SMIM12: variants seen among roughly 807,000 people sequenced by gnomAD.
SMIM12 encodes UPF0767 protein C1orf212.
A neutral mutation model predicts 6.3 loss-of-function variants in SMIM12; 5 were observed. That is an observed-to-expected ratio of 0.80 (90% CI 0.42 to 1.68). The LOEUF (loss-of-function observed/expected upper bound fraction) is 1.68, where lower values mean the gene tolerates loss of function less well. Ranked by LOEUF, SMIM12 falls within the 40% of genes most tolerant of loss-of-function variation. SMIM12 has a pLI of 0.02. For missense variants in SMIM12, 103 were observed against 121.4 expected (o/e 0.85, Z 0.71); for synonymous variants, 51 against 48.0 (o/e 1.06, Z -0.26).
rs776074932 is a variant in SMIM12 at position 34,855,356 on chromosome 1, C to T, written c.*343G>A. 4.2e-6 allele frequency: 6 copies of T among 1,439,526 alleles called. No individual in the cohort carries two copies. Among genetic ancestry groups the T allele is most frequent in the Middle Eastern group, 1.9e-4 (1 of 5,180 alleles). The allele number at this position is 1,439,526 out of a possible 1,614,324, so 89.2% of individuals were successfully genotyped here. A position where few individuals can be genotyped will look rare whatever the true frequency, so the allele number is the denominator to read the frequency against. On this transcript the variant is annotated 3_prime_UTR_variant, in exon 2 of 2. Transcript: ENST00000521580. Reference sequence around the variant, plus strand: ...CAGGTATCCCTCCTAAAGGCAACGCCCAAATCCCAGCCATTCCCACTAGAG... The same window carrying T: ...CAGGTATCCCTCCTAAAGGCAACGCTCAAATCCCAGCCATTCCCACTAGAG...
In SMIM12 at chr1:34,854,965, T is replaced by A. The variant is rs1638591468; in HGVS notation, c.*734A>T. Reference sequence around the variant, plus strand: ...CCTTGGCACCCTTTAATACCAATGTTATCCTGCTCTAAAATGCCTGTACTT... The same window carrying A: ...CCTTGGCACCCTTTAATACCAATGTAATCCTGCTCTAAAATGCCTGTACTT... On this transcript the variant is annotated 3_prime_UTR_variant, in exon 2 of 2. Transcript: ENST00000521580. The A allele has an allele frequency of 1.0e-6, 1 of 962,414 alleles. No individual in the cohort carries two copies. The highest frequency in any genetic ancestry group is 1.6e-5 in the South Asian group (1 of 62,034). The allele number at this position is 962,414 out of a possible 1,614,324, so 59.6% of individuals were successfully genotyped here.
intron 1 of SMIM12, chr1:34,858,535 A>G (rs533735445): frequency 6.6e-6 from 1 of 152,328 alleles, no homozygotes; most frequent in East Asian, 1.9e-4. Flanking sequence ...AAATTCAGAG[A>G]CATAGTAATA....
chr1:34,851,218 A>T lies in SMIM12; in HGVS notation c.*4481T>A, dbSNP rs1640922404. ...ACAATGTATATAAAGTTCTTAGCGT[A>T]CTATGCTAAGAACCTTACATAATTA... On this transcript the variant is annotated 3_prime_UTR_variant, in exon 2 of 2. Transcript: ENST00000521580. The T allele has an allele frequency of 6.6e-6, 1 of 152,174 alleles. No homozygotes were observed. The highest frequency in any genetic ancestry group is 2.4e-5 in the African/African-American group (1 of 41,438). The allele number at this position is 152,174 out of a possible 1,614,324, so 9.4% of individuals were successfully genotyped here.
intron 1 of SMIM12, among the ~76,000 whole-genome samples, chr1:34,857,019 G>A (rs1445259214): frequency 6.6e-6 from 1 of 151,896 alleles, no homozygotes; most frequent in Non-Finnish European, 1.5e-5. Context: ...ACTTGAACCT[G>A]GGAGGCGGAG....
In SMIM12 at chr1:34,855,433, TC is replaced by T; in HGVS notation, c.*265del. The T allele has an allele frequency of 1.3e-6, 2 of 1,560,466 alleles. No individual in the cohort carries two copies. Among genetic ancestry groups the T allele is most frequent in the Non-Finnish European group, 1.7e-6 (2 of 1,145,744 alleles). On this transcript the variant is annotated 3_prime_UTR_variant, in exon 2 of 2. Coordinates refer to ENST00000521580, the MANE Select transcript of SMIM12 (RefSeq NM_138428.6). ...ACAGCCAATGTTCATCTCATAACTC[TC>T]CTCCCAGCAGTGCACCAGTAAACTC...
rs1223059676 is a variant in SMIM12 at position 34,854,801 on chromosome 1, CTA to C, written c.*896_*897del. 4.1e-5 allele frequency: 7 copies of C among 170,302 alleles called. No individual in the cohort carries two copies. The South Asian group carries it at 8.5e-4, about 21-fold the overall frequency. 10.5% of individuals were successfully genotyped at this position (170,302 alleles called of 1,614,324 possible). ...TATATACTTTTATAGGGAAAGGCGT[CTA>C]TGTGTGTGTATGTGAGGTCTACCTC... On this transcript the variant is annotated 3_prime_UTR_variant, in exon 2 of 2. Coordinates refer to ENST00000521580, the MANE Select transcript of SMIM12 (RefSeq NM_138428.6).
Position 34,855,172 on chromosome 1 carries a change from C to A in SMIM12, c.*527G>T, listed in dbSNP as rs771151285. The A allele has an allele frequency of 7.3e-7, 1 of 1,367,178 alleles. No homozygotes were observed. Among genetic ancestry groups the A allele is most frequent in the South Asian group, 1.1e-5 (1 of 87,900 alleles). The allele number at this position is 1,367,178 out of a possible 1,614,324, so 84.7% of individuals were successfully genotyped here. A position where few individuals can be genotyped will look rare whatever the true frequency, so the allele number is the denominator to read the frequency against. On this transcript the variant is annotated 3_prime_UTR_variant, in exon 2 of 2. Transcript: ENST00000521580. Reference sequence around the variant, plus strand: ...CCTGCCCCAAAGTGAACAGTCTGGGCTTCCCAGAACAGAAAAGTGCTTTCC... The same window carrying A: ...CCTGCCCCAAAGTGAACAGTCTGGGATTCCCAGAACAGAAAAGTGCTTTCC...
In SMIM12 at chr1:34,855,658, G is replaced by T. The variant is rs1334672361; in HGVS notation, c.*41C>A. On this transcript the variant is annotated 3_prime_UTR_variant, in exon 2 of 2. Coordinates refer to ENST00000521580, the MANE Select transcript of SMIM12 (RefSeq NM_138428.6). ...CTCTGTCAACATGGTAGCAGGACAAGTCACCACCCACAGTAGGACCATAGG... is the reference window on the plus strand; with the variant it reads ...CTCTGTCAACATGGTAGCAGGACAATTCACCACCCACAGTAGGACCATAGG... 1.2e-6 allele frequency: 2 copies of T among 1,613,744 alleles called. No homozygotes were observed. Among genetic ancestry groups the T allele is most frequent in the South Asian group, 2.2e-5 (2 of 91,068 alleles).
rs1638540817 is a variant in SMIM12 at position 34,853,605 on chromosome 1, A to G, written c.*2094T>C. The G allele has an allele frequency of 6.6e-6, 1 of 152,262 alleles. No individual in the cohort carries two copies. The highest frequency in any genetic ancestry group is 1.5e-5 in the Non-Finnish European group (1 of 68,040). The allele number at this position is 152,262 out of a possible 1,614,324, so 9.4% of individuals were successfully genotyped here. A position where few individuals can be genotyped will look rare whatever the true frequency, so the allele number is the denominator to read the frequency against. ...AGTATCTAAACGAGTGACCAACCAG[A>G]AACAATTCAAATGTCCAGCAATATG... On this transcript the variant is annotated 3_prime_UTR_variant, in exon 2 of 2. Coordinates refer to ENST00000521580, the MANE Select transcript of SMIM12 (RefSeq NM_138428.6).
rs758041671 is a variant in SMIM12 at position 34,855,892 on chromosome 1, T to C, written c.86A>G (p.Tyr29Cys). The C allele has an allele frequency of 6.4e-6, 10 of 1,551,448 alleles. No individual in the cohort carries two copies. In the Admixed American group the frequency reaches 2.0e-4, roughly 30 times the overall value. The change falls in exon 2 of 2, where the codon TAC becomes TGC. Residue 29 changes from tyrosine (Y) to cysteine (C), a missense_variant. Tyr to Cys is a radical substitution (Grantham distance 194). Transcript: ENST00000521580. ...PVAFVVGAVGYHLEWFIRGKD... is the reference protein window; with the variant it reads ...PVAFVVGAVGCHLEWFIRGKD... ...TCCCCTGATGAACCATTCCAGGTGGTAACCCACAGCCCCGACCACGAAGGC... is the reference window on the plus strand; with the variant it reads ...TCCCCTGATGAACCATTCCAGGTGGCAACCCACAGCCCCGACCACGAAGGC...
chr1:34,855,586 G>A lies in SMIM12; in HGVS notation c.*113C>T. 6 of 1,613,314 alleles carry A rather than the reference G, an allele frequency of 3.7e-6. No individual in the cohort carries two copies. Among genetic ancestry groups the A allele is most frequent in the Non-Finnish European group, 5.1e-6 (6 of 1,179,940 alleles). On this transcript the variant is annotated 3_prime_UTR_variant, in exon 2 of 2. Coordinates refer to ENST00000521580, the MANE Select transcript of SMIM12 (RefSeq NM_138428.6). Reference sequence around the variant, plus strand: ...GTATTTGTGTGGCTGTGTGGTGTGGGAAGGGCCAGAATAAGCAACAAAGCC... The same window carrying A: ...GTATTTGTGTGGCTGTGTGGTGTGGAAAGGGCCAGAATAAGCAACAAAGCC...
In SMIM12 at chr1:34,852,488, A is replaced by G. The variant is rs1405265168; in HGVS notation, c.*3211T>C. On this transcript the variant is annotated 3_prime_UTR_variant, in exon 2 of 2. Transcript: ENST00000521580. Reference sequence around the variant, plus strand: ...CAAAAAAAAAAAAAAAAAAAAAACCATAATTATAGGTGTCATCAGAAGGAG... The same window carrying G: ...CAAAAAAAAAAAAAAAAAAAAAACCGTAATTATAGGTGTCATCAGAAGGAG... 7.5e-6 allele frequency among the ~76,000 whole-genome samples: 1 copy of G among 133,812 alleles called. No homozygotes were observed. Among genetic ancestry groups the G allele is most frequent in the Non-Finnish European group, 1.6e-5 (1 of 61,384 alleles). 87.8% of individuals were successfully genotyped at this position (133,812 alleles called of 152,430 possible). A position where few individuals can be genotyped will look rare whatever the true frequency, so the allele number is the denominator to read the frequency against.
At chr1:34,859,315 G>T (rs1638749082) in intron 1 of SMIM12, 1 of 152,286 alleles carries the variant, frequency 6.6e-6, no homozygotes, top group South Asian at 2.1e-4. Context: ...GGACACAGGA[G>T]GCCTGAGAAG....
Position 34,859,691 on chromosome 1 carries a change from A to G in SMIM12, c.-20T>C, listed in dbSNP as rs1638759926. ...CGCGCGCTCACCTGCGGCCCAGCCC[A>G]CACTCCCCAGTGCGGCCCCCGCTCT... On this transcript the variant is annotated 5_prime_UTR_variant, in exon 1 of 2. Coordinates refer to ENST00000521580, the MANE Select transcript of SMIM12 (RefSeq NM_138428.6). 6.6e-6 allele frequency: 1 copy of G among 152,360 alleles called. No individual in the cohort carries two copies. Among genetic ancestry groups the G allele is most frequent in the African/African-American group, 2.4e-5 (1 of 41,386 alleles). The allele number at this position is 152,360 out of a possible 1,614,324, so 9.4% of individuals were successfully genotyped here.
In SMIM12 at chr1:34,854,402, T is replaced by G. The variant is rs181937262; in HGVS notation, c.*1297A>C. 6.6e-6 allele frequency: 1 copy of G among 151,864 alleles called. No individual in the cohort carries two copies. The highest frequency in any genetic ancestry group is 1.9e-4 in the East Asian group (1 of 5,154). 9.4% of individuals were successfully genotyped at this position (151,864 alleles called of 1,614,324 possible). ...GCCTGGGCAACATAGTGAGACCTGG[T>G]TCTACAAAAAAATAAAAAAATTAGC... On this transcript the variant is annotated 3_prime_UTR_variant, in exon 2 of 2. Transcript: ENST00000521580.
intron 1 of SMIM12, chr1:34,858,077 T>G (rs1465285007): frequency 6.6e-6 from 1 of 151,468 alleles, no homozygotes; most frequent in East Asian, 1.9e-4. Context: ...CCCAGGGGGT[T>G]AAGGACCCCT....
rs745455058 is a variant in SMIM12, at chr1:34,855,738, C to T, written c.240G>A (p.Pro80=). Residue 80 remains proline (P), a synonymous_variant, in exon 2 of 2, where the codon CCG becomes CCA. Transcript: ENST00000521580. The part of the protein sequence containing the change: ...VSLKDKLEFA[P]KAVLNRNRPE... ...GGCGGTTTCTGTTCAGCACAGCTTT[C>T]GGGGCAAATTCTAGCTTGTCCTTAA... 43 of 1,603,944 alleles carry T rather than the reference C, an allele frequency of 2.7e-5. 1 individual carries two copies. The highest frequency in any genetic ancestry group is 2.5e-4 in the East Asian group (11 of 44,564).
chr1:34,855,346 A>G lies in SMIM12; in HGVS notation c.*353T>C, dbSNP rs779319441. ...ACTAGACATGCAGGTATCCCTCCTA[A>G]AGGCAACGCCCAAATCCCAGCCATT... On this transcript the variant is annotated 3_prime_UTR_variant, in exon 2 of 2. Transcript: ENST00000521580. The G allele has an allele frequency of 1.1e-5, 15 of 1,425,900 alleles. No individual in the cohort carries two copies. In the African/African-American group the frequency reaches 1.9e-4, roughly 18 times the overall value. The allele number at this position is 1,425,900 out of a possible 1,614,324, so 88.3% of individuals were successfully genotyped here.
In SMIM12 at chr1:34,854,391, G is replaced by C. The variant is rs1014329128; in HGVS notation, c.*1308C>G. On this transcript the variant is annotated 3_prime_UTR_variant, in exon 2 of 2. Transcript: ENST00000521580. ...GTTTGAGACTAGCCTGGGCAACATA[G>C]TGAGACCTGGTTCTACAAAAAAATA... is the stretch of plus-strand genomic sequence containing the variant. The C allele has an allele frequency of 1.3e-5, 2 of 152,120 alleles. No homozygotes were observed. Among genetic ancestry groups the C allele is most frequent in the African/African-American group, 4.8e-5 (2 of 41,400 alleles). The allele number at this position is 152,120 out of a possible 1,614,324, so 9.4% of individuals were successfully genotyped here. A position where few individuals can be genotyped will look rare whatever the true frequency, so the allele number is the denominator to read the frequency against.
Sources: gnomAD v4.1 joint callset for allele counts (sites outside exome capture counted in the v4.1 genomes callset) on GRCh38, gnomAD v4.1.1 for gene constraint, MANE v1.5 for transcripts, NCBI Gene and HGNC (gene_info 2026-07-23, HGNC 2026-07-21) for gene names.